Variants in KSR2 observed in about 807,000 individuals in gnomAD.
KSR2 encodes kinase suppressor of ras 2.
A neutral mutation model predicts 107.8 loss-of-function variants in KSR2; 25 were observed. The ratio of observed to expected loss-of-function variants is 0.23; its 90% CI spans 0.17 to 0.32. The LOEUF (loss-of-function observed/expected upper bound fraction) is 0.32, where lower values mean the gene tolerates loss of function less well. Among genes scored for constraint, KSR2 ranks in the 10% least tolerant of loss-of-function variants. KSR2 has a pLI of 1.00. For missense variants in KSR2, 887 were observed against 1,268.9 expected (o/e 0.70, Z 4.57); for synonymous variants, 480 against 507.0 (o/e 0.95, Z 0.71).
chr12:117,502,102 C>T lies in KSR2; in HGVS notation c.2220-16411G>A, dbSNP rs139209760. On this transcript the variant is annotated intron_variant, in intron 14 of 19. Transcript: ENST00000339824. Reference sequence around the variant, plus strand: ...GCCACAAGTGTGACATATGTCTGTGCACACAGGTATTTACATGGGCATTCT... The same window carrying T: ...GCCACAAGTGTGACATATGTCTGTGTACACAGGTATTTACATGGGCATTCT... 3.3e-3 allele frequency among the ~76,000 whole-genome samples: 500 copies of T among 152,358 alleles called. 2 individuals carry two copies. Among genetic ancestry groups the T allele is most frequent in the Non-Finnish European group, 5.5e-3 (375 of 68,030 alleles).
intron 1 of KSR2, among the ~76,000 whole-genome samples, chr12:117,873,276 C>T (rs567268055): frequency 2.8e-5 from 4 of 144,934 alleles, no homozygotes; most frequent in East Asian, 4.6e-4. Context: ...ACCCGGGAGG[C>T]GGAGGTTGCA....
At chr12:117,633,016 A>C (rs1882882700) in intron 5 of KSR2, among the ~76,000 whole-genome samples, 1 of 152,208 alleles carries the variant, frequency 6.6e-6, no homozygotes, top group South Asian at 2.1e-4. Context: ...TTTTAGTTGC[A>C]GGAGAGCTTT....
intron 1 of KSR2, among the ~76,000 whole-genome samples, chr12:117,916,917 T>C (rs546925955): frequency 6.6e-6 from 1 of 152,364 alleles, no homozygotes; most frequent in African/African-American, 2.4e-5. Flanking sequence ...GTCTGCATAA[T>C]TGTTTGATAT....
intron 4 of KSR2, among the ~76,000 whole-genome samples, chr12:117,735,374 G>A (rs2136753589): frequency 6.6e-6 from 1 of 152,270 alleles, no homozygotes; most frequent in African/African-American, 2.4e-5. Flanking sequence ...GCCTGCCAGT[G>A]GCCAAGCGGA....
At chr12:117,785,018 G>A (rs1338117152) in intron 3 of KSR2, among the ~76,000 whole-genome samples, 1 of 152,150 alleles carries the variant, frequency 6.6e-6, no homozygotes, top group Non-Finnish European at 1.5e-5. Flanking sequence ...TCTCCAGAAG[G>A]AAACCCAGAG....
At chr12:117,711,325 C>A (rs1886769613) in intron 4 of KSR2, among the ~76,000 whole-genome samples, 1 of 152,164 alleles carries the variant, frequency 6.6e-6, no homozygotes, top group Admixed American at 6.5e-5. Context: ...AAGGAGTCAG[C>A]CATGCAAAGA....
intron 7 of KSR2, among the ~76,000 whole-genome samples, chr12:117,570,261 C>G (rs943276832): frequency 2.0e-5 from 3 of 152,186 alleles, no homozygotes; most frequent in African/African-American, 7.2e-5. Flanking sequence ...CTCGGCCTCC[C>G]AAAGTGCTGG....
chr12:117,665,375 C>T (rs1011570158), intron 5 of KSR2, among the ~76,000 whole-genome samples: 1 of 151,914 alleles, frequency 6.6e-6, no homozygotes, highest in African/African-American at 2.4e-5. Context: ...TTTTTTAAAG[C>T]AGGAAGGAGA....
At position 117,923,443 on chromosome 12, in the gene KSR2, T is replaced by A. The variant is rs193040615; in HGVS notation, c.180+44633A>T. 3.5e-4 allele frequency among the ~76,000 whole-genome samples: 54 copies of A among 152,220 alleles called. 1 individual carries two copies. The highest frequency in any genetic ancestry group is 1.2e-3 in the African/African-American group (51 of 41,540). On this transcript the variant is annotated intron_variant, in intron 1 of 19. Coordinates refer to ENST00000339824, the MANE Select transcript of KSR2 (RefSeq NM_173598.6). Reference sequence around the variant, plus strand: ...GGCTCATGCCTGTAATCCCAGCACTTTGGAAGGCCAAAGTGGGAGGACTGC... The same window carrying A: ...GGCTCATGCCTGTAATCCCAGCACTATGGAAGGCCAAAGTGGGAGGACTGC...
intron 4 of KSR2, among the ~76,000 whole-genome samples, chr12:117,707,200 G>A (rs1034935991): frequency 2.0e-5 from 3 of 152,204 alleles, no homozygotes; most frequent in Non-Finnish European, 4.4e-5. Flanking sequence ...AGAGACAGCA[G>A]ATTAGAGATT....
At chr12:117,505,205 A>T (rs925759703) in intron 14 of KSR2, among the ~76,000 whole-genome samples, 4 of 152,138 alleles carry the variant, frequency 2.6e-5, no homozygotes, top group African/African-American at 9.7e-5. Flanking sequence ...ATTGGCCCGC[A>T]CCAGAATCCT....
chr12:117,592,467 G>A (rs1330514974), intron 5 of KSR2, among the ~76,000 whole-genome samples: 1 of 152,078 alleles, frequency 6.6e-6, no homozygotes, highest in Non-Finnish European at 1.5e-5. Flanking sequence ...GACCTGGCAG[G>A]TAACCATCAA....
rs571258493 is a variant in KSR2, at chr12:117,842,800, A to G, written c.472+12628T>C. On this transcript the variant is annotated intron_variant, in intron 3 of 19. Coordinates refer to ENST00000339824, the MANE Select transcript of KSR2 (RefSeq NM_173598.6). The surrounding 1 kb of genome is among the most constrained non-coding windows in gnomAD (Gnocchi z 4.2). ...GAGGGGGCAGGGGTGGCCTGCAAGA[A>G]AGAGAAAGTGGGCTGCAGGGGGACA... is the stretch of plus-strand genomic sequence containing the variant. Among the ~76,000 whole-genome samples, 1 of 152,234 alleles carries G rather than the reference A, an allele frequency of 6.6e-6. No homozygotes were observed. Among genetic ancestry groups the G allele is most frequent in the South Asian group, 2.1e-4 (1 of 4,822 alleles).
At chr12:117,796,438 T>A (rs959097384) in intron 3 of KSR2, among the ~76,000 whole-genome samples, 2 of 152,146 alleles carry the variant, frequency 1.3e-5, no homozygotes, top group African/African-American at 4.8e-5. Flanking sequence ...CAGCATCACG[T>A]TAGACAAACG....
intron 5 of KSR2, among the ~76,000 whole-genome samples, chr12:117,600,215 A>T (rs1015458286): frequency 6.6e-6 from 1 of 152,186 alleles, no homozygotes; most frequent in Non-Finnish European, 1.5e-5. Flanking sequence ...CAGGAGGAAA[A>T]CAAATTCACA....
intron 5 of KSR2, among the ~76,000 whole-genome samples, chr12:117,641,597 G>A (rs1162978450): frequency 2.0e-5 from 3 of 151,998 alleles, no homozygotes; most frequent in Admixed American, 6.6e-5. Context: ...TTAAAGGCCC[G>A]CCCTACTCCA....
At chr12:117,918,885 G>A (rs1895262173) in intron 1 of KSR2, among the ~76,000 whole-genome samples, 1 of 152,068 alleles carries the variant, frequency 6.6e-6, no homozygotes, top group African/African-American at 2.4e-5. Flanking sequence ...TGGGAGGATT[G>A]TTTGAGGCCA....
chr12:117,901,397 G>A (rs1353031156), intron 1 of KSR2, among the ~76,000 whole-genome samples: 1 of 151,532 alleles, frequency 6.6e-6, no homozygotes, highest in Non-Finnish European at 1.5e-5. Flanking sequence ...CCACCTCCTG[G>A]GTTCAAGCAA....
At position 117,534,868 on chromosome 12, in the gene KSR2, G is replaced by T. The variant is rs866361913; in HGVS notation, c.1688-3161C>A. 3.3e-5 allele frequency among the ~76,000 whole-genome samples: 5 copies of T among 152,082 alleles called. No homozygotes were observed. In the South Asian group the frequency reaches 1.0e-3, roughly 32 times the overall value. On this transcript the variant is annotated intron_variant, in intron 10 of 19. Coordinates refer to ENST00000339824, the MANE Select transcript of KSR2 (RefSeq NM_173598.6). ...GAGGAGGGGCGACAAGCAAAGTTATGTGGGCAGCCCCTAGATGCTGGCAAA... is the reference window on the plus strand; with the variant it reads ...GAGGAGGGGCGACAAGCAAAGTTATTTGGGCAGCCCCTAGATGCTGGCAAA...
Sources: gnomAD v4.1 joint callset for allele counts (sites outside exome capture counted in the v4.1 genomes callset) on GRCh38, gnomAD v4.1.1 for gene constraint, Gnocchi (gnomAD v3.1) non-coding constraint, MANE v1.5 for transcripts, NCBI Gene and HGNC (gene_info 2026-07-23, HGNC 2026-07-21) for gene names.